The following OPN5 variants were observed in gnomAD, a reference collection of about 807,000 sequenced individuals.
OPN5 encodes opsin-5.
A neutral mutation model predicts 41.7 loss-of-function variants in OPN5; 18 were observed. That is an observed-to-expected ratio of 0.43 (90% CI 0.30 to 0.64). The LOEUF (loss-of-function observed/expected upper bound fraction) is 0.64. OPN5 is among the 30% of genes least tolerant of loss of function. The pLI, the probability that OPN5 is intolerant of heterozygous loss-of-function variation, is 0.13. For synonymous variants in OPN5, 178 were observed against 164.3 expected, an observed-to-expected ratio of 1.08 and a Z score of -0.64; for missense variants, 318 against 434.5, an observed-to-expected ratio of 0.73 and a Z score of 2.38.
chr6:47,806,200 G>A (rs1773954374), intron 4 of OPN5, among the ~76,000 whole-genome samples: 1 of 151,984 alleles, frequency 6.6e-6, no homozygotes, highest in Admixed American at 6.6e-5. Flanking sequence ...AAACAAATAG[G>A]TGTCTTACTA....
At chr6:47,804,436 A>G (rs1391549970) in intron 4 of OPN5, among the ~76,000 whole-genome samples, 1 of 152,240 alleles carries the variant, frequency 6.6e-6, no homozygotes, top group Non-Finnish European at 1.5e-5. Flanking sequence ...AATTGAGGAA[A>G]GTCAAAAACA....
intron 1 of OPN5, among the ~76,000 whole-genome samples, chr6:47,786,034 C>A (rs1047874011): frequency 1.3e-5 from 2 of 152,244 alleles, no homozygotes; most frequent in Non-Finnish European, 1.5e-5. Flanking sequence ...CATACCTGGC[C>A]TCTGCCTCTC....
At chr6:47,820,839 A>G (rs560580475) in intron 6 of OPN5, among the ~76,000 whole-genome samples, 4 of 152,314 alleles carry the variant, frequency 2.6e-5, no homozygotes, top group South Asian at 4.1e-4. Context: ...AAACCTGCCT[A>G]TAACTTTGGA....
downstream of OPN5, chr6:47,825,653 C>G (rs1369617118): frequency 2.6e-5 from 4 of 152,176 alleles, no homozygotes; most frequent in East Asian, 1.9e-4. Context: ...TTCCTCCTGT[C>G]AAAACCTTGG....
intron 6 of OPN5, among the ~76,000 whole-genome samples, chr6:47,813,190 T>C (rs1003219000): frequency 6.6e-6 from 1 of 152,124 alleles, no homozygotes; most frequent in Non-Finnish European, 1.5e-5. Context: ...GTCATTAGAA[T>C]AGAGAGGCAA....
At chr6:47,796,887 T>A (rs1189863233) in intron 4 of OPN5, among the ~76,000 whole-genome samples, 2 of 152,196 alleles carry the variant, frequency 1.3e-5, no homozygotes, top group Non-Finnish European at 1.5e-5. Context: ...GAGATTTAAT[T>A]GACTCACAAT....
rs1762294641 is a variant in OPN5 at position 47,812,836 on chromosome 6, TA to T, written c.1056+1106del. ...GGTAACTGCCAGCAAGAACAGCGAA[TA>T]GGGGAAGAGGGTGGCCCCTCTCACA... On this transcript the variant is annotated intron_variant, in intron 6 of 6. Transcript: ENST00000371211. Among the ~76,000 whole-genome samples the T allele has an allele frequency of 3.9e-5, 6 of 152,262 alleles. No individual in the cohort carries two copies. In the South Asian group the frequency reaches 1.2e-3, roughly 32 times the overall value.
At chr6:47,813,354 C>T (rs905010330) in intron 6 of OPN5, among the ~76,000 whole-genome samples, 2 of 152,162 alleles carry the variant, frequency 1.3e-5, no homozygotes, top group African/African-American at 4.8e-5. Flanking sequence ...AATAGTATCA[C>T]AGGGTCATTG....
At chr6:47,808,350 C>T (rs1774056765) in exon 5 of OPN5, 2 of 1,614,032 alleles carry the variant, frequency 1.2e-6, no homozygotes. Context: ...TGTTGCCAAA[C>T]TGGTGGTTTG....
At chr6:47,790,162 T>C (rs1196568871) in intron 2 of OPN5, among the ~76,000 whole-genome samples, 1 of 152,082 alleles carries the variant, frequency 6.6e-6, no homozygotes, top group African/African-American at 2.4e-5. Context: ...CAGAAGGAAA[T>C]GTGGAAATCT....
chr6:47,792,288 G>A (rs1002013668), intron 3 of OPN5, among the ~76,000 whole-genome samples: 3 of 152,164 alleles, frequency 2.0e-5, no homozygotes, highest in South Asian at 2.1e-4. Flanking sequence ...AAAGTGCATC[G>A]AAAGGGTGTT....
chr6:47,799,194 A>ATG (rs1773675845), intron 4 of OPN5, among the ~76,000 whole-genome samples: 1 of 130,368 alleles, frequency 7.7e-6, no homozygotes. Context: ...CAGAGGTGTG[A>ATG]TGTATATATA....
At chr6:47,819,860 T>C (rs1762548130) in intron 6 of OPN5, among the ~76,000 whole-genome samples, 1 of 152,190 alleles carries the variant, frequency 6.6e-6, no homozygotes, top group Non-Finnish European at 1.5e-5. Flanking sequence ...TTAAAGTTTG[T>C]ATAAAAGGTT....
At chr6:47,820,448 C>T (rs1478949901) in intron 6 of OPN5, among the ~76,000 whole-genome samples, 3 of 152,178 alleles carry the variant, frequency 2.0e-5, no homozygotes, top group Non-Finnish European at 4.4e-5. Context: ...TAGATTTCTT[C>T]TTTCATCTCG....
intron 6 of OPN5, among the ~76,000 whole-genome samples, chr6:47,814,002 A>G (rs2113998733): frequency 6.6e-6 from 1 of 152,306 alleles, no homozygotes; most frequent in South Asian, 2.1e-4. Context: ...GTAGTTAAAA[A>G]TAATCTAAAG....
At chr6:47,791,994 T>A (rs762809295) in intron 3 of OPN5, 22 bp downstream of exon 3, 3 of 1,585,542 alleles carry the variant, frequency 1.9e-6, no homozygotes, top group Non-Finnish European at 2.6e-6. Flanking sequence ...GGTTTCTCAT[T>A]CCCTGACAGT....
intron 6 of OPN5, among the ~76,000 whole-genome samples, chr6:47,815,722 C>T (rs1211706129): frequency 2.0e-5 from 3 of 152,068 alleles, no homozygotes; most frequent in Non-Finnish European, 4.4e-5. Flanking sequence ...AGGGCATGCC[C>T]TCACTCAGTA....
At chr6:47,826,097 T>G (rs897748448), downstream of OPN5, 1 of 152,124 alleles carries the variant, frequency 6.6e-6, no homozygotes, top group African/African-American at 2.4e-5. Flanking sequence ...TTTAATGGAA[T>G]TTTTTGAACA....
intron 5 of OPN5, among the ~76,000 whole-genome samples, chr6:47,810,039 G>A (rs528202721): frequency 1.3e-5 from 2 of 152,270 alleles, no homozygotes; most frequent in South Asian, 4.2e-4. Context: ...ATGGGAAGAG[G>A]GAAATTTATG....
Sources: gnomAD v4.1 joint callset for allele counts (sites outside exome capture counted in the v4.1 genomes callset) on GRCh38, gnomAD v4.1.1 for gene constraint, MANE v1.5 for transcripts, NCBI Gene and HGNC (gene_info 2026-07-23, HGNC 2026-07-21) for gene names.